The following RGS17 variants were observed in gnomAD, a reference collection of about 807,000 sequenced individuals.
RGS17 encodes the protein regulator of G protein signaling 17, also known as regulator of G-protein signaling 17.
Under a neutral mutation model 25.5 loss-of-function variants are expected in RGS17, and 12 were observed. The observed-to-expected ratio is 0.47, with a 90% CI of 0.30 to 0.76. The LOEUF (loss-of-function observed/expected upper bound fraction) is 0.76, where lower values mean the gene tolerates loss of function less well. Among genes scored for constraint, RGS17 ranks in the 30% least tolerant of loss-of-function variants. RGS17 has a pLI of 0.07. For missense variants in RGS17, 196 were observed against 242.2 expected (o/e 0.81, Z 1.27); for synonymous variants, 71 against 76.9 (o/e 0.92, Z 0.40).
At chr6:153,072,588 TC>T (rs1776820813) in intron 1 of RGS17, among the ~76,000 whole-genome samples, 1 of 152,224 alleles carries the variant, frequency 6.6e-6, no homozygotes. Flanking sequence ...GAGTCTCTGA[TC>T]CTTCTTTCTC....
intron 1 of RGS17, among the ~76,000 whole-genome samples, chr6:153,082,188 G>A (rs1396614815): frequency 2.6e-5 from 4 of 152,172 alleles, no homozygotes; most frequent in African/African-American, 9.7e-5. Context: ...TTTACTAATA[G>A]TGTATATTGG....
chr6:153,065,355 A>G (rs994681211), intron 1 of RGS17, among the ~76,000 whole-genome samples: 1 of 152,226 alleles, frequency 6.6e-6, no homozygotes, highest in Admixed American at 6.5e-5. Flanking sequence ...AGTAATGGCT[A>G]GAGACTTCAA....
At chr6:153,118,490 A>G (rs1355869267) in intron 1 of RGS17, among the ~76,000 whole-genome samples, 3 of 152,304 alleles carry the variant, frequency 2.0e-5, no homozygotes, top group East Asian at 3.9e-4. Flanking sequence ...TCGTTAACCA[A>G]TGAATTATAG....
At chr6:153,031,074 A>C (rs951474193) in intron 2 of RGS17, among the ~76,000 whole-genome samples, 1 of 152,334 alleles carries the variant, frequency 6.6e-6, no homozygotes, top group Non-Finnish European at 1.5e-5. Context: ...CACAATACAA[A>C]TGTAGAACAG....
intron 1 of RGS17, among the ~76,000 whole-genome samples, chr6:153,089,724 A>C (rs1368994202): frequency 1.3e-5 from 2 of 152,158 alleles, no homozygotes; most frequent in Admixed American, 1.3e-4. Context: ...TAAATCTGGT[A>C]ATAGTTTAAC....
At chr6:153,035,154 A>AC (rs386408988) in intron 2 of RGS17, among the ~76,000 whole-genome samples, 1 of 1,794 alleles carries the variant, frequency 5.6e-4, no homozygotes, top group Non-Finnish European at 1.0e-3. Flanking sequence ...ACTCTCTCAC[A>AC]AAAAAAAAAA....
At chr6:153,084,219 GT>G (rs1449860979) in intron 1 of RGS17, among the ~76,000 whole-genome samples, 6 of 152,190 alleles carry the variant, frequency 3.9e-5, no homozygotes, top group Non-Finnish European at 1.5e-5. Context: ...AGAAGTAGCA[GT>G]GGTGTTTTCT....
chr6:153,108,193 A>T lies in RGS17; in HGVS notation c.-26+22931T>A, dbSNP rs79344162. 9.3e-3 allele frequency among the ~76,000 whole-genome samples: 1,419 copies of T among 152,312 alleles called. 23 individuals are homozygous for T. The highest frequency in any genetic ancestry group is 0.032 in the African/African-American group (1,347 of 41,556). Reference sequence around the variant, plus strand: ...GCTGAGCACATTATACAGCCTCCGTACATAATTTTCCCAAAAGTTTAGACA... The same window carrying T: ...GCTGAGCACATTATACAGCCTCCGTTCATAATTTTCCCAAAAGTTTAGACA... On this transcript the variant is annotated intron_variant, in intron 1 of 4. Transcript: ENST00000206262.
At chr6:153,026,837 G>T (rs1384809197) in intron 2 of RGS17, among the ~76,000 whole-genome samples, 2 of 151,836 alleles carry the variant, frequency 1.3e-5, no homozygotes, top group East Asian at 1.9e-4. Flanking sequence ...TGAGATATAT[G>T]ATTAAATGCC....
chr6:153,017,281 A>G (rs1779194600), intron 4 of RGS17, among the ~76,000 whole-genome samples: 1 of 152,184 alleles, frequency 6.6e-6, no homozygotes, highest in Non-Finnish European at 1.5e-5. Context: ...ACTTTGCAAT[A>G]GGTCTCGGTG....
At chr6:153,117,290 T>A (rs899842717) in intron 1 of RGS17, among the ~76,000 whole-genome samples, 4 of 151,884 alleles carry the variant, frequency 2.6e-5, no homozygotes, top group Non-Finnish European at 5.9e-5. Context: ...AACCATTAGC[T>A]CTTGTGAGAA....
At position 153,077,852 on chromosome 6, in the gene RGS17, G is replaced by A. The variant is rs759885651; in HGVS notation, c.-25-33809C>T. On this transcript the variant is annotated intron_variant, in intron 1 of 4. Transcript: ENST00000206262. Reference sequence around the variant, plus strand: ...AGTTTATATTTGGAGTCTCTAATGTGAGCAAATGACTTACAGTATCTTTTT... The same window carrying A: ...AGTTTATATTTGGAGTCTCTAATGTAAGCAAATGACTTACAGTATCTTTTT... Among the ~76,000 whole-genome samples, 47 of 150,996 alleles carry A rather than the reference G, an allele frequency of 3.1e-4. 1 individual carries two copies. Among genetic ancestry groups the A allele is most frequent in the African/African-American group, 9.3e-4 (38 of 41,012 alleles).
At position 153,007,615 on chromosome 6, in the gene RGS17, ATGGAGTCACTC is replaced by A. The variant is rs1477404502; in HGVS notation, c.*3948_*3958del. On this transcript the variant is annotated 3_prime_UTR_variant, in exon 5 of 5. Transcript: ENST00000206262. ...TTATAATTATTATTATTATTTTGAG[ATGGAGTCACTC>A]TGTTGCCAAGGCTGGAGTGCAGTGG... 30 of 152,026 alleles carry A rather than the reference ATGGAGTCACTC, an allele frequency of 2.0e-4. No homozygotes were observed. The highest frequency in any genetic ancestry group is 7.2e-4 in the African/African-American group (30 of 41,488). 9.4% of individuals were successfully genotyped at this position (152,026 alleles called of 1,614,324 possible).
At chr6:153,031,925 T>C (rs1287534665) in intron 2 of RGS17, among the ~76,000 whole-genome samples, 1 of 151,978 alleles carries the variant, frequency 6.6e-6, no homozygotes, top group Non-Finnish European at 1.5e-5. Flanking sequence ...GACAGCAAAG[T>C]GTGAAAGAGG....
chr6:153,044,670 C>T (rs960617590), intron 1 of RGS17, among the ~76,000 whole-genome samples: 1 of 152,170 alleles, frequency 6.6e-6, no homozygotes, highest in South Asian at 2.1e-4. Context: ...CTTCTTCCAT[C>T]CCCCAAATTT....
chr6:153,083,464 A>AT (rs145623132), intron 1 of RGS17, among the ~76,000 whole-genome samples: 1,761 of 152,288 alleles, frequency 0.012, 36 homozygotes, highest in African/African-American at 0.04. Context: ...TTTCTTTTTA[A>AT]TTTTTAACTA....
At chr6:153,014,722 T>C (rs1434615048) in intron 4 of RGS17, among the ~76,000 whole-genome samples, 4 of 149,216 alleles carry the variant, frequency 2.7e-5, no homozygotes, top group African/African-American at 7.5e-5. Flanking sequence ...GGCGTGAACC[T>C]GGGAGGCAGA....
chr6:153,028,605 G>A (rs1036418073), intron 2 of RGS17, among the ~76,000 whole-genome samples: 3 of 152,120 alleles, frequency 2.0e-5, no homozygotes, highest in Non-Finnish European at 2.9e-5. Context: ...AGTGGATGGG[G>A]GGGGATACAC....
chr6:153,122,819 A>G (rs1318283563), intron 1 of RGS17, among the ~76,000 whole-genome samples: 1 of 152,038 alleles, frequency 6.6e-6, no homozygotes, highest in African/African-American at 2.4e-5. Flanking sequence ...TCTATTTAGA[A>G]ATACTAATAA....
Sources: allele counts gnomAD v4.1 joint callset (sites outside exome capture counted in the v4.1 genomes callset), GRCh38; gene constraint gnomAD v4.1.1; transcripts MANE v1.5; gene names NCBI Gene and HGNC (gene_info 2026-07-23, HGNC 2026-07-21).